WDR49: variants seen among roughly 807,000 people sequenced by gnomAD.
The protein encoded by WDR49 is WD repeat domain 49.
WDR49 carries 107 observed loss-of-function variants against 119.5 expected under a neutral mutation model. The ratio of observed to expected loss-of-function variants is 0.90; its 90% confidence interval spans 0.77 to 1.05. The LOEUF is 1.05. Ranked by LOEUF, WDR49 falls within the 50% of genes least tolerant of loss-of-function variation. The pLI is 0.00. For missense variants in WDR49, 1,240 were observed against 1,220.5 expected (o/e 1.02, Z -0.24); for synonymous variants, 425 against 418.8 (o/e 1.01, Z -0.18).
At chr3:167,504,364 C>T (rs868414276) in intron 17 of WDR49, among the ~76,000 whole-genome samples, 10 of 152,250 alleles carry the variant, frequency 6.6e-5, no homozygotes, top group Middle Eastern at 3.4e-3. Flanking sequence ...CCTGGATGTG[C>T]GCATGGAATC....
intron 11 of WDR49, among the ~76,000 whole-genome samples, chr3:167,535,254 TC>T (rs1352930879): frequency 1.3e-5 from 2 of 152,014 alleles, no homozygotes; most frequent in Admixed American, 1.3e-4. Flanking sequence ...TGCTGCTTCT[TC>T]AAAAATCTAT....
intron 11 of WDR49, among the ~76,000 whole-genome samples, chr3:167,535,470 C>T (rs1381313464): frequency 6.6e-6 from 1 of 152,054 alleles, no homozygotes; most frequent in Non-Finnish European, 1.5e-5. Flanking sequence ...ACACAAATGG[C>T]CAACAGACAT....
At position 167,626,891 on chromosome 3, in the gene WDR49, C is replaced by T. The variant is rs1577287091; in HGVS notation, c.567G>A (p.Leu189=). 5 of 1,257,620 alleles carry T rather than the reference C, an allele frequency of 4.0e-6. No homozygotes were observed. The highest frequency in any genetic ancestry group is 3.5e-5 in the South Asian group (1 of 28,396). The allele number at this position is 1,257,620 out of a possible 1,614,324, so 77.9% of individuals were successfully genotyped here. A position where few individuals can be genotyped will look rare whatever the true frequency, so the allele number is the denominator to read the frequency against. The change falls in exon 3 of 19, where the codon CTG becomes CTA. Residue 189 remains leucine, a synonymous_variant. Transcript: ENST00000682715. ...ITSDATKLKH[L]WVTSLVSLEN... ...CCAGAGAAACCAGACTTGTCACCCACAGGTGTTTGAGCTTGGTGGCATCTG... is the reference window on the plus strand; with the variant it reads ...CCAGAGAAACCAGACTTGTCACCCATAGGTGTTTGAGCTTGGTGGCATCTG...
chr3:167,601,995 A>G (rs1041962170), intron 7 of WDR49, 132 bp downstream of exon 7: 1 of 1,200,552 alleles, frequency 8.3e-7, no homozygotes, highest in South Asian at 2.1e-5. Flanking sequence ...ATAGACTTCC[A>G]AAAACATAAG....
chr3:167,527,178 G>A (rs541527636), intron 15 of WDR49, among the ~76,000 whole-genome samples: 48 of 152,182 alleles, frequency 3.2e-4, no homozygotes, highest in Non-Finnish European at 6.2e-4. Context: ...ACTCTACCAC[G>A]ATTAGCTTCT....
At chr3:167,487,595 G>A (rs1457287322) in intron 18 of WDR49, among the ~76,000 whole-genome samples, 4 of 151,894 alleles carry the variant, frequency 2.6e-5, no homozygotes, top group Non-Finnish European at 5.9e-5. Context: ...AACAGACAAC[G>A]TACAGAACGG....
At chr3:167,596,889 T>TAAATAAAC (rs1715488380) in intron 7 of WDR49, among the ~76,000 whole-genome samples, 2 of 129,622 alleles carry the variant, frequency 1.5e-5, no homozygotes, top group Non-Finnish European at 3.3e-5. Context: ...AATAAATAAA[T>TAAATAAAC]AAATAAATAA....
intron 17 of WDR49, among the ~76,000 whole-genome samples, chr3:167,503,860 C>G (rs190981807): frequency 6.6e-6 from 1 of 152,194 alleles, no homozygotes; most frequent in Non-Finnish European, 1.5e-5. Context: ...GTTGCCGGCT[C>G]GAATGCCTGG....
intron 8 of WDR49, among the ~76,000 whole-genome samples, chr3:167,573,879 C>G (rs1714088499): frequency 6.6e-6 from 1 of 152,172 alleles, no homozygotes; most frequent in African/African-American, 2.4e-5. Context: ...AATAAACCCT[C>G]TCTCCAAAAA....
intron 7 of WDR49, among the ~76,000 whole-genome samples, chr3:167,593,580 ATC>A (rs1715250388): frequency 6.6e-6 from 1 of 152,006 alleles, no homozygotes; most frequent in South Asian, 2.1e-4. Context: ...ATGGTCACAT[ATC>A]TCTGTTTCTC....
At chr3:167,591,291 T>C (rs1410137626) in intron 7 of WDR49, among the ~76,000 whole-genome samples, 1 of 152,124 alleles carries the variant, frequency 6.6e-6, no homozygotes, top group Non-Finnish European at 1.5e-5. Context: ...ATTTAAATTT[T>C]TTGAATGTTT....
chr3:167,559,961 C>T (rs1181737232), intron 9 of WDR49, 103 bp downstream of exon 9: 3 of 1,276,918 alleles, frequency 2.3e-6, no homozygotes, highest in African/African-American at 1.5e-5. Flanking sequence ...TCTCTTCTTG[C>T]AATACCAAAA....
At chr3:167,618,558 G>A (rs566012393) in intron 5 of WDR49, among the ~76,000 whole-genome samples, 10 of 152,004 alleles carry the variant, frequency 6.6e-5, no homozygotes, top group Non-Finnish European at 1.5e-4. Flanking sequence ...TATATAATAC[G>A]AATAAGATAG....
At chr3:167,567,666 C>T (rs1343317628) in intron 8 of WDR49, among the ~76,000 whole-genome samples, 1 of 152,110 alleles carries the variant, frequency 6.6e-6, no homozygotes, top group Non-Finnish European at 1.5e-5. Context: ...TGTAATGAGC[C>T]TTAAAGGCCC....
At chr3:167,518,233 C>A (rs2108227910) in intron 16 of WDR49, among the ~76,000 whole-genome samples, 1 of 151,940 alleles carries the variant, frequency 6.6e-6, no homozygotes, top group African/African-American at 2.4e-5. Flanking sequence ...ATTTACAGTC[C>A]TTTGGGTATA....
chr3:167,613,053 G>A lies in WDR49; in HGVS notation c.958+7376C>T, dbSNP rs1160274989. On this transcript the variant is annotated intron_variant, in intron 5 of 18. Transcript: ENST00000682715. ...TTAAAATAACTTATAGAGTGTAATT[G>A]GATTGTTTGTAACTCAAAGTGTAAA... 2.0e-5 allele frequency among the ~76,000 whole-genome samples: 3 copies of A among 152,166 alleles called. 1 individual carries two copies. Among genetic ancestry groups the A allele is most frequent in the Admixed American group, 2.0e-4 (3 of 15,288 alleles).
chr3:167,637,418 A>G (rs1225955461), intron 2 of WDR49, among the ~76,000 whole-genome samples: 1 of 151,816 alleles, frequency 6.6e-6, no homozygotes, highest in Non-Finnish European at 1.5e-5. Flanking sequence ...GTTTGAAATC[A>G]GGTAATGTGA....
At chr3:167,483,996 T>C (rs780314364) in intron 18 of WDR49, among the ~76,000 whole-genome samples, 3 of 152,226 alleles carry the variant, frequency 2.0e-5, no homozygotes, top group Non-Finnish European at 4.4e-5. Flanking sequence ...TTTTTTATGA[T>C]ACTCAACAGA....
intron 10 of WDR49, among the ~76,000 whole-genome samples, chr3:167,553,471 T>C (rs1423349095): frequency 6.6e-6 from 1 of 152,184 alleles, no homozygotes; most frequent in Non-Finnish European, 1.5e-5. Flanking sequence ...TTGATGTTAA[T>C]TCCTAACTAT....
Sources: gnomAD v4.1 joint callset for allele counts (sites outside exome capture counted in the v4.1 genomes callset) on GRCh38, gnomAD v4.1.1 for gene constraint, MANE v1.5 for transcripts, NCBI Gene and HGNC (gene_info 2026-07-23, HGNC 2026-07-21) for gene names.